TENM3: variants seen among roughly 807,000 people sequenced by gnomAD.
The protein encoded by TENM3 is teneurin transmembrane protein 3.
In TENM3, 63 loss-of-function variants were observed where a neutral mutation model predicts 255.1. That is an observed-to-expected ratio of 0.25 (90% CI 0.20 to 0.30). TENM3 has a LOEUF of 0.30. Ranked by LOEUF, TENM3 falls within the 10% of genes least tolerant of loss-of-function variation. The probability of loss-of-function intolerance (pLI) is 1.00; values close to 1 mark genes in which losing one functional copy is unlikely to be tolerated. For synonymous variants in TENM3, 1,306 were observed against 1,322.3 expected, an observed-to-expected ratio of 0.99 and a Z score of 0.27; for missense variants, 2,929 against 3,461.1, an observed-to-expected ratio of 0.85 and a Z score of 3.86.
At chr4:182,008,460 C>T in the TENM3 span, among the ~76,000 whole-genome samples, 1 of 151,892 alleles carries the variant, frequency 6.6e-6, no homozygotes, top group African/African-American at 2.4e-5. Flanking sequence ...CTATTCTTGT[C>T]TGCATGTCTT....
chr4:181,960,034 T>A, the TENM3 span, among the ~76,000 whole-genome samples: 14 of 152,212 alleles, frequency 9.2e-5, no homozygotes, highest in Non-Finnish European at 1.6e-4. Context: ...ATAGCTTTAT[T>A]TTTCTTTGTG....
chr4:182,751,204 G>A (rs985599203), intron 19 of TENM3, among the ~76,000 whole-genome samples: 18 of 152,300 alleles, frequency 1.2e-4, no homozygotes, highest in Admixed American at 3.3e-4. Context: ...AGACTCCCCC[G>A]TAGACTTGAA....
chr4:182,610,132 A>T (rs1748844562), intron 4 of TENM3, among the ~76,000 whole-genome samples: 1 of 151,754 alleles, frequency 6.6e-6, no homozygotes, highest in South Asian at 2.1e-4. Flanking sequence ...ATTTAAAAAG[A>T]GAATTTGTTT....
At chr4:182,179,747 G>C (rs529573073) in intron 1 of TENM3, among the ~76,000 whole-genome samples, 16 of 152,098 alleles carry the variant, frequency 1.1e-4, no homozygotes, top group Non-Finnish European at 1.6e-4. Flanking sequence ...TTGTGAAACA[G>C]GAAGTTTTTC....
chr4:181,962,338 A>C, the TENM3 span, among the ~76,000 whole-genome samples: 5 of 152,198 alleles, frequency 3.3e-5, no homozygotes, highest in Admixed American at 3.3e-4. Context: ...TACTTGTAAG[A>C]TGGGTAAGCA....
chr4:181,776,506 A>G, the TENM3 span, among the ~76,000 whole-genome samples: 1 of 152,092 alleles, frequency 6.6e-6, no homozygotes, highest in Non-Finnish European at 1.5e-5. Context: ...GGTTTTCCAT[A>G]ATGGCTGTAC....
intron 2 of TENM3, among the ~76,000 whole-genome samples, chr4:182,331,228 T>C (rs1561329636): frequency 6.6e-6 from 1 of 152,178 alleles, no homozygotes; most frequent in South Asian, 2.1e-4. Context: ...ATCTACTCTA[T>C]TACCTATCAC....
chr4:181,727,785 T>G, the TENM3 span, among the ~76,000 whole-genome samples: 1 of 152,226 alleles, frequency 6.6e-6, no homozygotes, highest in Non-Finnish European at 1.5e-5. Context: ...AAGGATACGT[T>G]TTTTAAATTA....
the TENM3 span, among the ~76,000 whole-genome samples, chr4:181,921,704 T>C: frequency 6.6e-6 from 1 of 152,180 alleles, no homozygotes; most frequent in African/African-American, 2.4e-5. Context: ...ACTTTCTCTT[T>C]TCCTAATTGA....
chr4:181,653,449 G>A, the TENM3 span, among the ~76,000 whole-genome samples: 68 of 152,080 alleles, frequency 4.5e-4, no homozygotes, highest in African/African-American at 1.3e-3. Flanking sequence ...TCACTCTGTC[G>A]CCCAGGCCGG....
At chr4:181,806,839 G>A in the TENM3 span, among the ~76,000 whole-genome samples, 2 of 152,186 alleles carry the variant, frequency 1.3e-5, no homozygotes, top group Non-Finnish European at 2.9e-5. Flanking sequence ...GCTTCCATGG[G>A]CTCCTCAAAC....
the TENM3 span, among the ~76,000 whole-genome samples, chr4:182,022,360 A>G: frequency 3.9e-3 from 597 of 152,040 alleles, 8 homozygotes; most frequent in African/African-American, 0.014. Flanking sequence ...ACATGGACAC[A>G]CAAATGGAAA....
the TENM3 span, among the ~76,000 whole-genome samples, chr4:182,138,533 G>A: frequency 6.6e-6 from 1 of 152,100 alleles, no homozygotes; most frequent in Non-Finnish European, 1.5e-5. Context: ...GAGCAGACAG[G>A]AACAAACAAA....
At chr4:181,721,250 T>C in the TENM3 span, among the ~76,000 whole-genome samples, 1 of 151,386 alleles carries the variant, frequency 6.6e-6, no homozygotes, top group African/African-American at 2.4e-5. Context: ...AAGGTCAAGG[T>C]AGAGTTGTGA....
chr4:181,537,176 C>G, the TENM3 span, among the ~76,000 whole-genome samples: 2 of 151,842 alleles, frequency 1.3e-5, no homozygotes, highest in South Asian at 4.2e-4. Context: ...TAAGGTTGGG[C>G]TTTGATTAAG....
the TENM3 span, among the ~76,000 whole-genome samples, chr4:181,755,118 AGTCCTTG>A: frequency 1.3e-5 from 2 of 152,162 alleles, no homozygotes; most frequent in Non-Finnish European, 2.9e-5. Context: ...AAAGTGGTGA[AGTCCTTG>A]GTCTCTCCAC....
Position 182,755,605 on chromosome 4 carries a change from G to A in TENM3, c.4892+346G>A, listed in dbSNP as rs533447699. On this transcript the variant is annotated intron_variant, in intron 22 of 27. Transcript: ENST00000511685. ...TGTAATCCCAGCACTTTGGGAGGCCGAGGCGGGCGGATCACGAGGTCAGAA... is the reference window on the plus strand; with the variant it reads ...TGTAATCCCAGCACTTTGGGAGGCCAAGGCGGGCGGATCACGAGGTCAGAA... Among the ~76,000 whole-genome samples the A allele has an allele frequency of 1.1e-4, 16 of 152,246 alleles. No homozygotes were observed. In the South Asian group the frequency reaches 1.7e-3, roughly 16 times the overall value.
At chr4:182,069,686 AACAC>A in the TENM3 span, among the ~76,000 whole-genome samples, 1,857 of 149,508 alleles carry the variant, frequency 0.012, 13 homozygotes, top group Middle Eastern at 0.034. Flanking sequence ...TAGATGCATA[AACAC>A]ACACACACAC....
intron 19 of TENM3, among the ~76,000 whole-genome samples, chr4:182,747,714 A>G (rs1254757438): frequency 6.6e-6 from 1 of 152,228 alleles, no homozygotes; most frequent in Non-Finnish European, 1.5e-5. Context: ...GGATCAAAGA[A>G]AGTGTCAATC....
Sources: allele counts gnomAD v4.1 joint callset (sites outside exome capture counted in the v4.1 genomes callset), GRCh38; gene constraint gnomAD v4.1.1; transcripts MANE v1.5; gene names NCBI Gene and HGNC (gene_info 2026-07-23, HGNC 2026-07-21).